The following BRF1 variants were observed in gnomAD, a reference collection of about 807,000 sequenced individuals.
The protein encoded by BRF1 is BRF1 general transcription factor IIIB subunit.
In BRF1, 59 loss-of-function variants were observed where a neutral mutation model predicts 81.7. The observed-to-expected ratio is 0.72, with a 90% confidence interval of 0.59 to 0.90. The LOEUF (loss-of-function observed/expected upper bound fraction) is 0.90. Ranked by LOEUF, BRF1 falls within the 40% of genes least tolerant of loss-of-function variation. BRF1 has a pLI of 0.00. For synonymous variants in BRF1, 491 were observed against 395.6 expected, an observed-to-expected ratio of 1.24 and a Z score of -2.86; for missense variants, 1,050 against 936.3, an observed-to-expected ratio of 1.12 and a Z score of -1.58.
At chr14:105,267,506 T>A (rs1566850979) in intron 3 of BRF1, among the ~76,000 whole-genome samples, 1 of 151,980 alleles carries the variant, frequency 6.6e-6, no homozygotes, top group Admixed American at 6.6e-5. Context: ...GAGACGGGGT[T>A]TCACCATGTT....
At chr14:105,297,569 C>CA (rs754269128) in intron 1 of BRF1, among the ~76,000 whole-genome samples, 1 of 151,130 alleles carries the variant, frequency 6.6e-6, no homozygotes, top group Non-Finnish European at 1.5e-5. Flanking sequence ...GACTCTGTCT[C>CA]AAAAAAAGAG....
chr14:105,223,682 G>A (rs958914931), intron 10 of BRF1, among the ~76,000 whole-genome samples: 1 of 152,234 alleles, frequency 6.6e-6, no homozygotes, highest in Non-Finnish European at 1.5e-5. Flanking sequence ...CCCCGTGGGA[G>A]CCACAGATCT....
At chr14:105,217,068 G>A in intron 15 of BRF1, 1 of 196,710 alleles carries the variant, frequency 5.1e-6, no homozygotes, top group Non-Finnish European at 1.1e-5. Context: ...TGTGCGCTGA[G>A]GCCAGCACAT....
At chr14:105,228,566 G>C (rs9806114) in intron 7 of BRF1, among the ~76,000 whole-genome samples, 13,801 of 151,626 alleles carry the variant, frequency 0.091, 806 homozygotes, top group South Asian at 0.2. Context: ...AAAATACAGG[G>C]ATCGGAGGAG....
At chr14:105,252,763 T>C (rs375274509) in intron 4 of BRF1, among the ~76,000 whole-genome samples, 184 bp from the exon 5 acceptor site, 1 of 152,362 alleles carries the variant, frequency 6.6e-6, no homozygotes, top group East Asian at 1.9e-4. Context: ...CCCTGCCTTC[T>C]TCCTCTAAGC....
chr14:105,225,197 T>A (rs928233472), intron 10 of BRF1, among the ~76,000 whole-genome samples: 2 of 152,214 alleles, frequency 1.3e-5, no homozygotes, highest in Non-Finnish European at 2.9e-5. Context: ...ACAGCCTCCC[T>A]ACCTCCTGCC....
At chr14:105,272,320 G>A (rs946389436) in intron 3 of BRF1, among the ~76,000 whole-genome samples, 18 of 152,184 alleles carry the variant, frequency 1.2e-4, no homozygotes, top group Admixed American at 2.0e-4. Context: ...GCAGGCACTC[G>A]GTGTACGCCT....
Position 105,226,141 on chromosome 14 carries a change from C to T in BRF1, c.976G>A (p.Asp326Asn), listed in dbSNP as rs745560902. Residue 326 changes from aspartate (D) to asparagine (N), a missense_variant, in exon 10 of 18, where the codon GAT becomes AAT. Physicochemically the swap from Asp to Asn is conservative, Grantham distance 23. Coordinates refer to ENST00000547530, the MANE Select transcript of BRF1 (RefSeq NM_001519.4). Reference sequence around the variant, plus strand: ...TTTTCTAGTTCAATCTCAATTGCATCCTGGTAACTGGATATTTCACCTGAA... The same window carrying T: ...TTTTCTAGTTCAATCTCAATTGCATTCTGGTAACTGGATATTTCACCTGAA... ...EVEGEISSYQ[D>N]AIEIELENSR... is the part of the protein sequence containing the mutation. The T allele has an allele frequency of 3.1e-6, 5 of 1,613,972 alleles. No individual in the cohort carries two copies. Among genetic ancestry groups the T allele is most frequent in the Non-Finnish European group, 3.4e-6 (4 of 1,180,032 alleles).
chr14:105,226,322 A>G, intron 8 of BRF1, 32 bp from the exon 9 acceptor site: 1 of 1,613,892 alleles, frequency 6.2e-7, no homozygotes, highest in Non-Finnish European at 8.5e-7. Context: ...GGCTTCGTGA[A>G]GGGAGGCCCT....
chr14:105,253,148 G>A (rs921750852), intron 4 of BRF1, among the ~76,000 whole-genome samples: 28 of 152,196 alleles, frequency 1.8e-4, no homozygotes, highest in Non-Finnish European at 3.1e-4. Flanking sequence ...GGGCAACGCC[G>A]AGGGCTGGCA....
At chr14:105,217,922 C>G in intron 14 of BRF1, 122 bp from the exon 15 acceptor site, 2 of 1,436,618 alleles carry the variant, frequency 1.4e-6, no homozygotes, top group South Asian at 2.7e-5. Flanking sequence ...TCAGAAGGGC[C>G]GCTCCTGCCT....
At chr14:105,228,664 A>T (rs1221681540) in intron 7 of BRF1, among the ~76,000 whole-genome samples, 156 bp downstream of exon 7, 1 of 152,110 alleles carries the variant, frequency 6.6e-6, no homozygotes. Flanking sequence ...CAGCACGTCC[A>T]AGCCATAGTG....
intron 3 of BRF1, among the ~76,000 whole-genome samples, chr14:105,265,557 G>A (rs2056373069): frequency 6.6e-6 from 1 of 152,024 alleles, no homozygotes; most frequent in Non-Finnish European, 1.5e-5. Context: ...TTTGAGACCA[G>A]CCTGGCCAAC....
intron 11 of BRF1, among the ~76,000 whole-genome samples, chr14:105,220,870 G>A (rs587709961): frequency 9.8e-4 from 149 of 152,346 alleles, no homozygotes; most frequent in African/African-American, 3.4e-3. Context: ...GCTCCAGCCA[G>A]AATGGCCCTT....
intron 2 of BRF1, among the ~76,000 whole-genome samples, chr14:105,274,605 C>T (rs771096508): frequency 7.2e-5 from 11 of 152,198 alleles, no homozygotes; most frequent in Non-Finnish European, 1.6e-4. Flanking sequence ...CCCAAAGCTG[C>T]GGGCCACATG....
At chr14:105,220,993 G>C (rs1333928853) in intron 11 of BRF1, among the ~76,000 whole-genome samples, 1 of 152,200 alleles carries the variant, frequency 6.6e-6, no homozygotes, top group Non-Finnish European at 1.5e-5. Flanking sequence ...CCAACCATCA[G>C]GATTGTCTCT....
chr14:105,226,627 G>C lies in BRF1; in HGVS notation c.915+7C>G, dbSNP rs764944253. 3 of 1,612,802 alleles carry C rather than the reference G, an allele frequency of 1.9e-6. No individual in the cohort carries two copies. The Admixed American group carries it at 5.0e-5, about 27-fold the overall frequency. On this transcript the variant is annotated splice_region_variant and intron_variant, in intron 8 of 17. Transcript: ENST00000547530. ...CCAGCACAGACAGACACCAAAGCCG[G>C]CGCTACCTGCTTCATCCGCAGCTTC...
intron 5 of BRF1, chr14:105,241,655 A>G: frequency 3.5e-6 from 2 of 575,424 alleles, no homozygotes; most frequent in Non-Finnish European, 6.2e-6. Context: ...CGCTAGGGCC[A>G]GGCAGCGTGC....
At chr14:105,240,984 C>T (rs912068045) in intron 6 of BRF1, among the ~76,000 whole-genome samples, 1 of 152,228 alleles carries the variant, frequency 6.6e-6, no homozygotes, top group Non-Finnish European at 1.5e-5. Context: ...GCAGGGATGC[C>T]CATGCAGCCG....
Sources: gnomAD v4.1 joint callset for allele counts (sites outside exome capture counted in the v4.1 genomes callset) on GRCh38, gnomAD v4.1.1 for gene constraint, MANE v1.5 for transcripts, NCBI Gene and HGNC (gene_info 2026-07-23, HGNC 2026-07-21) for gene names.